The following LPA variants were observed in gnomAD, a reference collection of about 807,000 sequenced individuals.
LPA encodes the protein apolipoprotein(a).
LPA carries 199 observed loss-of-function variants against 197.9 expected under a neutral mutation model. The ratio of observed to expected loss-of-function variants is 1.01; its 90% CI spans 0.90 to 1.13. The LOEUF is 1.13. Ranked by LOEUF, LPA falls within the 50% of genes most tolerant of loss-of-function variation. The probability of loss-of-function intolerance (pLI) is 0.00; values close to 1 mark genes in which losing one functional copy is unlikely to be tolerated. For missense variants in LPA, 1,853 were observed against 1,785.8 expected (o/e 1.04, Z -0.68); for synonymous variants, 715 against 639.5 (o/e 1.12, Z -1.78).
chr6:160,565,960 G>A (rs1203692249), intron 28 of LPA, among the ~76,000 whole-genome samples: 2 of 152,122 alleles, frequency 1.3e-5, no homozygotes, highest in Non-Finnish European at 2.9e-5. Flanking sequence ...GAAATGAAGC[G>A]AGAAGAGAAG....
At position 160,547,673 on chromosome 6, in the gene LPA, GC is replaced by G. The variant is rs928043777; in HGVS notation, c.5304+115del. 3 of 1,429,682 alleles carry G rather than the reference GC, an allele frequency of 2.1e-6. No individual in the cohort carries two copies. The African/African-American group carries it at 4.2e-5, about 20-fold the overall frequency. 88.6% of individuals were successfully genotyped at this position (1,429,682 alleles called of 1,614,324 possible). ...GGCCTGTGCTGCTTGCACTTTCCAT[GC>G]TAAGGCTAATTACGCTTAGCCTCCT... On this transcript the variant is annotated intron_variant, in intron 32 of 38. Coordinates refer to ENST00000316300, the MANE Select transcript of LPA (RefSeq NM_005577.4).
chr6:160,661,946 C>G (rs1354935516), intron 1 of LPA, among the ~76,000 whole-genome samples: 1 of 152,152 alleles, frequency 6.6e-6, no homozygotes, highest in Non-Finnish European at 1.5e-5. Flanking sequence ...AATTGATATT[C>G]AAAAAGAGGA....
At chr6:160,585,255 T>C in intron 25 of LPA, 50 bp from the exon 26 acceptor site, 2 of 1,596,262 alleles carry the variant, frequency 1.3e-6, no homozygotes, top group Non-Finnish European at 1.7e-6. Flanking sequence ...AAAAGGGAAA[T>C]GTGAAAAAAA....
intron 26 of LPA, among the ~76,000 whole-genome samples, chr6:160,584,237 T>TTCTTCTTCTTCCTCC (rs1554235539): frequency 6.1e-3 from 421 of 69,078 alleles, no homozygotes; most frequent in East Asian, 0.028. Flanking sequence ...CTTCTTCTTC[T>TTCTTCTTCTTCCTCC]TCCTCCTCCT....
At chr6:160,545,678 C>T (rs1583569219) in intron 32 of LPA, 145 bp from the exon 33 acceptor site, 5 of 668,168 alleles carry the variant, frequency 7.5e-6, no homozygotes, top group Non-Finnish European at 1.4e-5. Context: ...TATTTTTTGA[C>T]AAAGTTATTT....
intron 28 of LPA, among the ~76,000 whole-genome samples, chr6:160,572,146 C>T (rs1471936352): frequency 6.6e-6 from 1 of 152,220 alleles, no homozygotes; most frequent in Non-Finnish European, 1.5e-5. Flanking sequence ...CTGACCCCTT[C>T]CACTTCCCAG....
chr6:160,561,565 A>C (rs916899238), intron 28 of LPA, among the ~76,000 whole-genome samples: 1 of 152,112 alleles, frequency 6.6e-6, no homozygotes, highest in African/African-American at 2.4e-5. Context: ...CCCTTTTTCT[A>C]TTCCATATGA....
At chr6:160,590,512 C>G (rs1051551491) in intron 23 of LPA, among the ~76,000 whole-genome samples, 1 of 152,110 alleles carries the variant, frequency 6.6e-6, no homozygotes, top group Non-Finnish European at 1.5e-5. Flanking sequence ...TCAGGTTTCT[C>G]AAGGATGACA....
intron 30 of LPA, among the ~76,000 whole-genome samples, chr6:160,555,238 AATTAT>A (rs533211549): frequency 0.19 from 22,553 of 119,716 alleles, 2,168 homozygotes; most frequent in African/African-American, 0.22. Context: ...TATATATATT[AATTAT>A]ATTATATTAT....
intron 22 of LPA, among the ~76,000 whole-genome samples, chr6:160,593,442 C>A (rs1302746055): frequency 1.3e-5 from 2 of 152,198 alleles, no homozygotes; most frequent in African/African-American, 4.8e-5. Context: ...TGCCTTCCTA[C>A]TTTTGCCCCT....
At chr6:160,572,941 C>T (rs1778589236) in intron 28 of LPA, among the ~76,000 whole-genome samples, 1 of 152,116 alleles carries the variant, frequency 6.6e-6, no homozygotes, top group Admixed American at 6.5e-5. Flanking sequence ...CTTGTATTTA[C>T]ATGTTCTTTG....
Position 160,540,046 on chromosome 6 carries a change from C to T in LPA, c.5732G>A (p.Ser1911Asn). Residue 1911 changes from serine to asparagine, a missense_variant, in exon 36 of 39, where the codon AGC (serine) becomes AAC (asparagine). Ser to Asn is a conservative substitution (Grantham distance 46, BLOSUM62 1). Transcript: ENST00000316300. ...TQADIALLKL[S>N]RPAVITDKVM... ...AAGACCACAGGTGAGCGAGTACCTG[C>T]TTAGCTTTAGCAAGGCAATATCTGC... 6.2e-7 allele frequency: 1 copy of T among 1,614,112 alleles called. No homozygotes were observed. Among genetic ancestry groups the T allele is most frequent in the Non-Finnish European group, 8.5e-7 (1 of 1,180,010 alleles).
At position 160,583,121 on chromosome 6, in the gene LPA, T is replaced by C. The variant is rs376928709; in HGVS notation, c.4289+1925A>G. 1.5e-4 allele frequency among the ~76,000 whole-genome samples: 23 copies of C among 152,296 alleles called. 1 individual carries two copies. Among genetic ancestry groups the C allele is most frequent in the African/African-American group, 5.3e-4 (22 of 41,566 alleles). On this transcript the variant is annotated intron_variant, in intron 26 of 38. Coordinates refer to ENST00000316300, the MANE Select transcript of LPA (RefSeq NM_005577.4). ...TTTAAATCCTTGAACACAATTATGA[T>C]ACATACATTTTAAATCTCCTTGCCA...
intron 7 of LPA, among the ~76,000 whole-genome samples, chr6:160,634,415 T>C (rs1424927970): frequency 1.7e-5 from 2 of 116,580 alleles, no homozygotes; most frequent in Non-Finnish European, 3.5e-5. Context: ...GCAAAGACAC[T>C]TTGCTTCTCA....
intron 1 of LPA, among the ~76,000 whole-genome samples, chr6:160,653,566 C>T (rs184493672): frequency 6.6e-6 from 1 of 151,816 alleles, no homozygotes; most frequent in Non-Finnish European, 1.5e-5. Flanking sequence ...ACCCCTGGAC[C>T]AGAGAGATTC....
chr6:160,634,601 GC>G (rs1337325550), intron 7 of LPA, among the ~76,000 whole-genome samples: 7 of 147,790 alleles, frequency 4.7e-5, no homozygotes, highest in African/African-American at 1.8e-4. Flanking sequence ...TCCCTTCAAA[GC>G]CTAGGACTGA....
chr6:160,654,497 A>T (rs1252491175), intron 1 of LPA, among the ~76,000 whole-genome samples: 2 of 152,092 alleles, frequency 1.3e-5, no homozygotes, highest in Non-Finnish European at 2.9e-5. Flanking sequence ...AGTTGACAGT[A>T]TTAACCATCA....
chr6:160,578,603 C>T lies in LPA; in HGVS notation c.4391G>A (p.Arg1464Gln), dbSNP rs767564396. Residue 1464 changes from arginine to glutamine, a missense_variant, in exon 27 of 39, where the codon CGA becomes CAA. By Grantham distance (43) the Arg-to-Gln change is conservative (BLOSUM62 1). Coordinates refer to ENST00000316300, the MANE Select transcript of LPA (RefSeq NM_005577.4). The stretch of plus-strand genomic sequence containing the variant: ...GACACTCGATTCTGTCACTGGACAT[C>T]GTGTCAGGTTGCAGTACTCCCACCT... ...SVRWEYCNLT[R>Q]CPVTESSVLT... The T allele has an allele frequency of 4.3e-6, 7 of 1,614,020 alleles. No individual in the cohort carries two copies. The highest frequency in any genetic ancestry group is 1.1e-5 in the South Asian group (1 of 91,082).
intron 33 of LPA, among the ~76,000 whole-genome samples, chr6:160,543,148 G>T (rs1210396604): frequency 6.6e-6 from 1 of 152,194 alleles, no homozygotes; most frequent in Non-Finnish European, 1.5e-5. Flanking sequence ...ATGTTGAAAT[G>T]TTGCCTTCTC....
Sources: allele counts gnomAD v4.1 joint callset (sites outside exome capture counted in the v4.1 genomes callset), GRCh38; gene constraint gnomAD v4.1.1; transcripts MANE v1.5; gene names NCBI Gene and HGNC (gene_info 2026-07-23, HGNC 2026-07-21).